The following BMPR1B variants were observed in gnomAD, a reference collection of about 807,000 sequenced individuals.
BMPR1B encodes bone morphogenetic protein receptor type-1B.
In BMPR1B, 12 loss-of-function variants were observed where a neutral mutation model predicts 59.1. The ratio of observed to expected loss-of-function variants is 0.20; its 90% CI spans 0.13 to 0.33. The LOEUF (loss-of-function observed/expected upper bound fraction) is 0.33. Ranked by LOEUF, BMPR1B falls within the 10% of genes least tolerant of loss-of-function variation. BMPR1B has a pLI of 1.00. For missense variants in BMPR1B, 550 were observed against 610.9 expected (o/e 0.90, Z 1.05); for synonymous variants, 237 against 207.3 (o/e 1.14, Z -1.23).
chr4:95,111,636 C>T (rs1049335384), intron 4 of BMPR1B, among the ~76,000 whole-genome samples: 4 of 151,944 alleles, frequency 2.6e-5, no homozygotes, highest in East Asian at 3.9e-4. Context: ...AAAAGAGTAT[C>T]GCTTGGTCCC....
Position 95,154,961 on chromosome 4 carries a change from C to T in BMPR1B, c.*288C>T. On this transcript the variant is annotated 3_prime_UTR_variant, in exon 13 of 13. Transcript: ENST00000515059. ...AAGAAAGCCCTGTATTTTGTGATTG[C>T]CTTTTTTTTTTTTTAAGATGCTTTC... is the stretch of plus-strand genomic sequence containing the variant. The T allele has an allele frequency of 2.9e-6, 1 of 342,074 alleles. No homozygotes were observed. The highest frequency in any genetic ancestry group is 4.3e-5 in the Admixed American group (1 of 23,000). The allele number at this position is 342,074 out of a possible 1,614,324, so 21.2% of individuals were successfully genotyped here.
chr4:95,010,090 G>T (rs551075782), intron 3 of BMPR1B, among the ~76,000 whole-genome samples: 1 of 152,290 alleles, frequency 6.6e-6, no homozygotes, highest in East Asian at 1.9e-4. Context: ...ATCTCATGTT[G>T]TCTGACCTGG....
intron 9 of BMPR1B, among the ~76,000 whole-genome samples, chr4:95,130,723 CTTTTTTTTTTTTTTTT>C (rs148720302): frequency 2.6e-5 from 2 of 77,930 alleles, no homozygotes; most frequent in South Asian, 1.0e-3. Flanking sequence ...CTTTTCTTTT[CTTTTTTTTTTTTTTTT>C]TTTTTTTTTG....
intron 1 of BMPR1B, among the ~76,000 whole-genome samples, chr4:94,855,309 A>AT: frequency 6.6e-6 from 1 of 152,198 alleles, no homozygotes; most frequent in South Asian, 2.1e-4. Flanking sequence ...TTCATTTGAT[A>AT]GAAAAGAAAT....
chr4:94,968,868 A>G (rs1253102744), intron 2 of BMPR1B, among the ~76,000 whole-genome samples: 3 of 152,124 alleles, frequency 2.0e-5, no homozygotes, highest in South Asian at 4.1e-4. Context: ...ATTCTCATGT[A>G]GGAGGACGTT....
At position 94,779,787 on chromosome 4, in the gene BMPR1B, G is replaced by A. The variant is rs539598875; in HGVS notation, c.-183+21719G>A. ...GTGGAGGTTGCAGTGAGCCGAGATCGTGCCACCTCACTCCTGCCTGGGTGA... is the reference window on the plus strand; with the variant it reads ...GTGGAGGTTGCAGTGAGCCGAGATCATGCCACCTCACTCCTGCCTGGGTGA... On this transcript the variant is annotated intron_variant, in intron 1 of 12. Transcript: ENST00000515059. Among the ~76,000 whole-genome samples the A allele has an allele frequency of 4.6e-5, 7 of 152,004 alleles. No homozygotes were observed. In the South Asian group the frequency reaches 1.2e-3, roughly 27 times the overall value.
Position 95,148,165 on chromosome 4 carries a change from C to T in BMPR1B, c.1077-583C>T, listed in dbSNP as rs1734777891. ...TCTTTGTTGGTTCTCTCCTTCTCCC[C>T]TTTTGAAACCTGTTTATAGATCTAA... On this transcript the variant is annotated intron_variant, in intron 10 of 12. Transcript: ENST00000515059. 1.3e-5 allele frequency among the ~76,000 whole-genome samples: 2 copies of T among 152,164 alleles called. 1 individual carries two copies. The highest frequency in any genetic ancestry group is 1.3e-4 in the Admixed American group (2 of 15,280).
chr4:95,104,303 A>G, intron 3 of BMPR1B, 105 bp from the exon 4 acceptor site: 2 of 1,308,718 alleles, frequency 1.5e-6, no homozygotes, highest in Non-Finnish European at 2.1e-6. Flanking sequence ...ATCTTTAAGT[A>G]TCTTGAATAC....
At chr4:94,792,944 T>A (rs1047639789) in intron 1 of BMPR1B, among the ~76,000 whole-genome samples, 1 of 152,176 alleles carries the variant, frequency 6.6e-6, no homozygotes, top group African/African-American at 2.4e-5. Flanking sequence ...AGTGTTTAGA[T>A]AGTCAGAAAA....
At chr4:94,981,003 A>ACGCGTACGCGCGCG (rs141994255) in intron 2 of BMPR1B, among the ~76,000 whole-genome samples, 1 of 90,844 alleles carries the variant, frequency 1.1e-5, no homozygotes, top group Middle Eastern at 4.6e-3. Flanking sequence ...ACACACACAC[A>ACGCGTACGCGCGCG]CACACACACA....
chr4:95,124,073 G>T (rs947135789), intron 7 of BMPR1B, among the ~76,000 whole-genome samples, 167 bp downstream of exon 7: 1 of 151,942 alleles, frequency 6.6e-6, no homozygotes, highest in Non-Finnish European at 1.5e-5. Context: ...TTGTCCTAAT[G>T]AAGTTACAAA....
At position 94,965,784 on chromosome 4, in the gene BMPR1B, G is replaced by T. The variant is rs942161461; in HGVS notation, c.-112-30256G>T. On this transcript the variant is annotated intron_variant, in intron 2 of 12. Transcript: ENST00000515059. ...GTAAATTGTGTGTGTGAGAGTGTAT[G>T]TGTTCTCATGTTTACACATATGCAC... Among the ~76,000 whole-genome samples the T allele has an allele frequency of 2.0e-5, 3 of 152,138 alleles. No homozygotes were observed. In the East Asian group the frequency reaches 5.8e-4, roughly 29 times the overall value.
At chr4:94,937,355 C>T (rs1057079356) in intron 2 of BMPR1B, among the ~76,000 whole-genome samples, 2 of 152,150 alleles carry the variant, frequency 1.3e-5, no homozygotes, top group African/African-American at 4.8e-5. Flanking sequence ...CATTTTGATT[C>T]TCAGTATACC....
chr4:94,893,319 A>G (rs1001412615), intron 2 of BMPR1B, among the ~76,000 whole-genome samples: 1 of 151,994 alleles, frequency 6.6e-6, no homozygotes, highest in African/African-American at 2.4e-5. Flanking sequence ...ATCCCAGGAA[A>G]GGCCTTCTCT....
At chr4:94,761,274 G>A (rs1324044473) in intron 1 of BMPR1B, among the ~76,000 whole-genome samples, 2 of 152,132 alleles carry the variant, frequency 1.3e-5, no homozygotes, top group Admixed American at 6.5e-5. Flanking sequence ...AGGTAACACC[G>A]ATCTTTAAGA....
In BMPR1B at chr4:95,049,452, T is replaced by G. The variant is rs1330745422; in HGVS notation, c.-18+53318T>G. Among the ~76,000 whole-genome samples, 59 of 97,544 alleles carry G rather than the reference T, an allele frequency of 6.0e-4. 1 individual carries two copies. Among genetic ancestry groups the G allele is most frequent in the African/African-American group, 2.5e-3 (55 of 21,856 alleles). 64.0% of individuals were successfully genotyped at this position (97,544 alleles called of 152,430 possible). On this transcript the variant is annotated intron_variant, in intron 3 of 12. Coordinates refer to ENST00000515059, the MANE Select transcript of BMPR1B (RefSeq NM_001203.3). ...TTTTTTTTTTTTTTTTTTTTTTTTTTTTTTTTTTTTTTTTTTTTGCAGTTC... is the reference window on the plus strand; with the variant it reads ...TTTTTTTTTTTTTTTTTTTTTTTTTGTTTTTTTTTTTTTTTTTTGCAGTTC...
At chr4:94,831,013 G>T (rs1278853540) in intron 1 of BMPR1B, among the ~76,000 whole-genome samples, 1 of 152,060 alleles carries the variant, frequency 6.6e-6, no homozygotes, top group East Asian at 1.9e-4. Flanking sequence ...AAAAGAAAAG[G>T]TTAACTGTAA....
intron 4 of BMPR1B, among the ~76,000 whole-genome samples, chr4:95,107,153 A>G (rs1731251809): frequency 6.6e-6 from 1 of 152,082 alleles, no homozygotes; most frequent in South Asian, 2.1e-4. Flanking sequence ...TGACTTGGCC[A>G]TGAGACATTT....
chr4:95,025,928 A>C (rs1724321455), intron 3 of BMPR1B, among the ~76,000 whole-genome samples: 1 of 152,206 alleles, frequency 6.6e-6, no homozygotes, highest in Non-Finnish European at 1.5e-5. Context: ...TGTAATTGTC[A>C]ATGAAACATT....
Sources: allele counts gnomAD v4.1 joint callset (sites outside exome capture counted in the v4.1 genomes callset), GRCh38; gene constraint gnomAD v4.1.1; transcripts MANE v1.5; gene names NCBI Gene and HGNC (gene_info 2026-07-23, HGNC 2026-07-21).